The following CDH12 variants were observed in gnomAD, a reference collection of about 807,000 sequenced individuals.
CDH12 encodes the protein cadherin-12.
Under a neutral mutation model 74.1 loss-of-function variants are expected in CDH12, and 41 were observed. That is an observed-to-expected ratio of 0.55 (90% CI 0.43 to 0.72). The LOEUF (loss-of-function observed/expected upper bound fraction) is 0.72, where lower values mean the gene tolerates loss of function less well. Among genes scored for constraint, CDH12 ranks in the 30% least tolerant of loss-of-function variants. CDH12 has a pLI of 0.00. For missense variants in CDH12, 945 were observed against 977.2 expected, an observed-to-expected ratio of 0.97 and a Z score of 0.44; for synonymous variants, 399 against 355.0, an observed-to-expected ratio of 1.12 and a Z score of -1.39.
At chr5:21,954,503 G>A (rs1421643677) in intron 6 of CDH12, among the ~76,000 whole-genome samples, 1 of 152,074 alleles carries the variant, frequency 6.6e-6, no homozygotes, top group South Asian at 2.1e-4. Flanking sequence ...GAAAAATACA[G>A]TGATTCCAAG....
intron 4 of CDH12, among the ~76,000 whole-genome samples, chr5:22,085,208 G>A (rs2150231996): frequency 6.6e-6 from 1 of 152,020 alleles, no homozygotes; most frequent in Admixed American, 6.6e-5. Flanking sequence ...TATCAAAGCA[G>A]CAGATATTTA....
intron 8 of CDH12, among the ~76,000 whole-genome samples, chr5:21,829,352 T>A (rs1265361133): frequency 6.6e-6 from 1 of 152,208 alleles, no homozygotes; most frequent in Non-Finnish European, 1.5e-5. Context: ...TCCCTATTTT[T>A]ACACTAGCTT....
chr5:21,816,963 T>C lies in CDH12; in HGVS notation c.984A>G (p.Gly328=), dbSNP rs1471752902. The change falls in exon 9 of 15, where the codon GGA becomes GGG. Residue 328 remains glycine, a synonymous_variant. Coordinates refer to ENST00000382254, the MANE Select transcript of CDH12 (RefSeq NM_004061.5). Reference sequence around the variant, plus strand: ...TATATACCTTTTTCAATTTGATGACTCCCTCTTGTGTATCCTCATCTGTGA... The same window carrying C: ...TATATACCTTTTTCAATTTGATGACCCCCTCTTGTGTATCCTCATCTGTGA... ...DIVTDEDTQE[G]VIKLKKPLDF... The C allele has an allele frequency of 6.2e-7, 1 of 1,608,138 alleles. No homozygotes were observed. Among genetic ancestry groups the C allele is most frequent in the East Asian group, 2.2e-5 (1 of 44,650 alleles).
At chr5:22,040,211 G>A (rs1031396247) in intron 5 of CDH12, among the ~76,000 whole-genome samples, 1 of 151,856 alleles carries the variant, frequency 6.6e-6, no homozygotes. Context: ...AACAGGTCAA[G>A]CAGAAGAAAC....
At chr5:21,840,512 G>T (rs1307462093) in intron 8 of CDH12, among the ~76,000 whole-genome samples, 1 of 151,326 alleles carries the variant, frequency 6.6e-6, no homozygotes, top group African/African-American at 2.4e-5. Context: ...CTACTTTAAA[G>T]TTCATATGGA....
chr5:22,015,877 T>G (rs1365321851), intron 5 of CDH12, among the ~76,000 whole-genome samples: 1 of 152,180 alleles, frequency 6.6e-6, no homozygotes, highest in African/African-American at 2.4e-5. Flanking sequence ...AAAGGACACT[T>G]TATTTCCTAT....
intron 6 of CDH12, among the ~76,000 whole-genome samples, chr5:21,894,948 A>G (rs1214337318): frequency 6.6e-6 from 1 of 152,082 alleles, no homozygotes; most frequent in Non-Finnish European, 1.5e-5. Flanking sequence ...TTAAAATGTG[A>G]AGGGAAATTA....
intron 4 of CDH12, among the ~76,000 whole-genome samples, chr5:22,205,797 CA>C (rs1284773208): frequency 1.3e-5 from 2 of 151,952 alleles, no homozygotes; most frequent in South Asian, 2.1e-4. Flanking sequence ...ATGCTATATA[CA>C]AAAACTTCTA....
chr5:21,967,837 G>A (rs756710212), intron 6 of CDH12, among the ~76,000 whole-genome samples: 1 of 152,118 alleles, frequency 6.6e-6, no homozygotes, highest in Non-Finnish European at 1.5e-5. Flanking sequence ...GCCAAACTGC[G>A]TGCAGTGGAC....
intron 2 of CDH12, among the ~76,000 whole-genome samples, chr5:22,444,158 T>C (rs1009815422): frequency 9.2e-5 from 14 of 152,076 alleles, no homozygotes; most frequent in Non-Finnish European, 2.1e-4. Context: ...TAAATCCATT[T>C]CATCTTAAAT....
chr5:22,694,142 G>A (rs900556454), intron 1 of CDH12, among the ~76,000 whole-genome samples: 1 of 151,992 alleles, frequency 6.6e-6, no homozygotes, highest in African/African-American at 2.4e-5. Flanking sequence ...GTCTTGCTTG[G>A]TTGCCCAGGC....
chr5:22,590,942 A>C (rs1736277409), intron 1 of CDH12, among the ~76,000 whole-genome samples: 1 of 152,098 alleles, frequency 6.6e-6, no homozygotes. Context: ...TAGTTGTAAA[A>C]TCTGTCTTTT....
chr5:22,430,845 T>G (rs1382909715), intron 2 of CDH12, among the ~76,000 whole-genome samples: 2 of 152,124 alleles, frequency 1.3e-5, no homozygotes, highest in Non-Finnish European at 2.9e-5. Flanking sequence ...TCTTAGCAAG[T>G]AGCTCATTTC....
chr5:22,759,374 T>C (rs1746091551), intron 1 of CDH12, among the ~76,000 whole-genome samples: 2 of 152,036 alleles, frequency 1.3e-5, no homozygotes, highest in South Asian at 2.1e-4. Flanking sequence ...TTTTAGGAGG[T>C]TTTTTTCCTG....
chr5:21,868,330 G>C (rs1187572763), intron 6 of CDH12, among the ~76,000 whole-genome samples: 1 of 152,176 alleles, frequency 6.6e-6, no homozygotes. Flanking sequence ...CACCATGTCA[G>C]AGAGTCCCCA....
At chr5:22,699,310 T>C (rs1017296147) in intron 1 of CDH12, among the ~76,000 whole-genome samples, 16 of 151,280 alleles carry the variant, frequency 1.1e-4, no homozygotes, top group African/African-American at 2.7e-4. Context: ...AAAACTTCTT[T>C]TTAGAACAAT....
At chr5:22,840,653 C>G (rs1264876326) in intron 1 of CDH12, among the ~76,000 whole-genome samples, 5 of 151,848 alleles carry the variant, frequency 3.3e-5, no homozygotes, top group Non-Finnish European at 7.4e-5. Context: ...GCACACAAGA[C>G]AAAGATCTCT....
At chr5:22,012,133 A>G (rs1737335008) in intron 5 of CDH12, among the ~76,000 whole-genome samples, 1 of 123,626 alleles carries the variant, frequency 8.1e-6, no homozygotes, top group Non-Finnish European at 1.6e-5. Context: ...GATTTAAACA[A>G]CTAGAGATAT....
intron 1 of CDH12, among the ~76,000 whole-genome samples, chr5:22,563,751 A>G (rs146594950): frequency 0.012 from 1,774 of 152,316 alleles, 21 homozygotes; most frequent in Non-Finnish European, 0.017. Context: ...ATGGTTCAAC[A>G]TGGCTGGGGA....
Sources: gnomAD v4.1 joint callset for allele counts (sites outside exome capture counted in the v4.1 genomes callset) on GRCh38, gnomAD v4.1.1 for gene constraint, MANE v1.5 for transcripts, NCBI Gene and HGNC (gene_info 2026-07-23, HGNC 2026-07-21) for gene names.